NSUN2: variants seen among roughly 807,000 people sequenced by gnomAD.
NSUN2 encodes NOP2/Sun RNA methyltransferase 2.
A neutral mutation model predicts 92.7 loss-of-function variants in NSUN2; 63 were observed. The observed-to-expected ratio is 0.68, with a 90% confidence interval of 0.56 to 0.84. The LOEUF (loss-of-function observed/expected upper bound fraction) is 0.84, where lower values mean the gene tolerates loss of function less well. Among genes scored for constraint, NSUN2 ranks in the 40% least tolerant of loss-of-function variants. The pLI is 0.00. For missense variants in NSUN2, 989 were observed against 964.9 expected, an observed-to-expected ratio of 1.02 and a Z score of -0.33; for synonymous variants, 356 against 348.3, an observed-to-expected ratio of 1.02 and a Z score of -0.25.
At chr5:6,619,557 T>C (rs553467004) in intron 7 of NSUN2, among the ~76,000 whole-genome samples, 2 of 152,364 alleles carry the variant, frequency 1.3e-5, no homozygotes, top group Admixed American at 6.5e-5. Flanking sequence ...TATTATTTTA[T>C]ATCTAAACTC....
intron 12 of NSUN2, among the ~76,000 whole-genome samples, chr5:6,607,952 GT>G (rs1238595154): frequency 6.6e-6 from 1 of 152,080 alleles, no homozygotes; most frequent in Non-Finnish European, 1.5e-5. Context: ...TGAGCAAAAT[GT>G]TTTACTTAAA....
intron 11 of NSUN2, 74 bp downstream of exon 11, chr5:6,610,881 C>A: frequency 1.3e-6 from 2 of 1,565,364 alleles, no homozygotes; most frequent in Non-Finnish European, 8.7e-7. Context: ...CTCACCCCAA[C>A]AAGACTCACC....
At chr5:6,618,903 G>A (rs76507295) in intron 7 of NSUN2, among the ~76,000 whole-genome samples, 2,427 of 152,226 alleles carry the variant, frequency 0.016, 30 homozygotes, top group South Asian at 0.027. Flanking sequence ...GCGTGTACAC[G>A]AGGGACTAGG....
At chr5:6,610,882 A>G in intron 11 of NSUN2, 73 bp downstream of exon 11, 1 of 1,568,178 alleles carries the variant, frequency 6.4e-7, no homozygotes, top group South Asian at 1.2e-5. Flanking sequence ...TCACCCCAAC[A>G]AGACTCACCA....
At position 6,609,157 on chromosome 5, in the gene NSUN2, C is replaced by A. The variant is rs545150798; in HGVS notation, c.1323+669G>T. On this transcript the variant is annotated intron_variant, in intron 12 of 18. Coordinates refer to ENST00000264670, the MANE Select transcript of NSUN2 (RefSeq NM_017755.6). ...TTCAAGCATGGATCTTAAAGAAATA[C>A]AGACTTCCAGACTTTGATTCCAGGC... Among the ~76,000 whole-genome samples the A allele has an allele frequency of 6.4e-4, 97 of 152,310 alleles. 1 individual carries two copies. The South Asian group carries it at 0.02, about 32-fold the overall frequency.
At chr5:6,617,195 A>T (rs1158521660) in intron 8 of NSUN2, among the ~76,000 whole-genome samples, 1 of 152,190 alleles carries the variant, frequency 6.6e-6, no homozygotes, top group Admixed American at 6.5e-5. Context: ...TGGTTTTTCT[A>T]TGAAAAATTG....
intron 17 of NSUN2, among the ~76,000 whole-genome samples, 195 bp from the exon 18 acceptor site, chr5:6,602,695 T>C (rs917547126): frequency 1.7e-4 from 26 of 152,188 alleles, no homozygotes; most frequent in African/African-American, 6.3e-4. Context: ...AATGACGCAG[T>C]AGGGACGATC....
rs1337222695 is a variant in NSUN2 at position 6,600,138 on chromosome 5, A to G, written c.2092T>C (p.Tyr698His). 2 of 1,614,202 alleles carry G rather than the reference A, an allele frequency of 1.2e-6. No homozygotes were observed. Among genetic ancestry groups the G allele is most frequent in the East Asian group, 4.5e-5 (2 of 44,886 alleles). ...TFVPKNERLH[Y>H]LRMMGLEVLG... is the part of the protein sequence containing the mutation. ...ACCTCCAGCCCCATCATCCTGAGAT[A>G]ATGAAGCCGTTCATTCTTGGGCACA... is the stretch of plus-strand genomic sequence containing the variant. The change falls in exon 19 of 19, where the codon TAT becomes CAT. Residue 698 changes from tyrosine (Y) to histidine (H), a missense_variant. Transcript: ENST00000264670.
intron 8 of NSUN2, among the ~76,000 whole-genome samples, chr5:6,617,647 A>G (rs879394434): frequency 1.6e-4 from 24 of 152,250 alleles, no homozygotes; most frequent in Admixed American, 1.6e-3. Flanking sequence ...GAGAGAAAAG[A>G]TTAGTAATGC....
rs2126470380 is a variant in NSUN2, at chr5:6,604,218, T to C, written c.1877A>G (p.Asp626Gly). 3 of 1,608,144 alleles carry C rather than the reference T, an allele frequency of 1.9e-6. No individual in the cohort carries two copies. The East Asian group carries it at 6.7e-5, about 36-fold the overall frequency. Residue 626 changes from aspartate (D) to glycine (G), a missense_variant, in exon 17 of 19, where the codon GAT (aspartate) becomes GGT (glycine). Coordinates refer to ENST00000264670, the MANE Select transcript of NSUN2 (RefSeq NM_017755.6). The stretch of plus-strand genomic sequence containing the variant: ...TTCCTGGGTCAACAGTATCTTAACA[T>C]CTTCCATTGATACAGTAATAATTCT... ...NSRIITVSMEDVKILLTQENP... is the reference protein window; with the variant it reads ...NSRIITVSMEGVKILLTQENP...
chr5:6,624,320 T>C (rs899053085), intron 4 of NSUN2, among the ~76,000 whole-genome samples: 2 of 152,150 alleles, frequency 1.3e-5, no homozygotes, highest in African/African-American at 4.8e-5. Flanking sequence ...CCTGTGTAGA[T>C]GTTTTGTGGC....
At chr5:6,617,057 A>C (rs778686881) in intron 8 of NSUN2, among the ~76,000 whole-genome samples, 200 bp from the exon 9 acceptor site, 1 of 152,234 alleles carries the variant, frequency 6.6e-6, no homozygotes, top group Non-Finnish European at 1.5e-5. Flanking sequence ...TATTATATAA[A>C]TATTCTTACT....
chr5:6,608,185 C>A (rs1198936666), intron 12 of NSUN2, among the ~76,000 whole-genome samples: 1 of 152,330 alleles, frequency 6.6e-6, no homozygotes, highest in East Asian at 1.9e-4. Context: ...AAAGCAAAAA[C>A]CAAAACAGAT....
chr5:6,604,829 C>T (rs150078563), intron 15 of NSUN2, 144 bp from the exon 16 acceptor site: 22 of 662,794 alleles, frequency 3.3e-5, no homozygotes, highest in East Asian at 3.2e-4. Context: ...CGGTTAAGAA[C>T]GAACTGATAC....
At chr5:6,602,617 A>C in intron 17 of NSUN2, 117 bp from the exon 18 acceptor site, 2 of 961,466 alleles carry the variant, frequency 2.1e-6, no homozygotes, top group Non-Finnish European at 3.4e-6. Flanking sequence ...ACAACAAATA[A>C]TCTACATTCT....
rs781668872 is a variant in NSUN2, at chr5:6,600,041, T to C, written c.2189A>G (p.Asn730Ser). 9 of 1,614,142 alleles carry C rather than the reference T, an allele frequency of 5.6e-6. No individual in the cohort carries two copies. The Admixed American group carries it at 1.3e-4, about 24-fold the overall frequency. ...ESAASTGQPD[N>S]DVTEGQRAGE... Reference sequence around the variant, plus strand: ...TGCTCTCTGTCCCTCAGTCACGTCATTGTCTGGCTGTCCGGTGCTGGCTGC... The same window carrying C: ...TGCTCTCTGTCCCTCAGTCACGTCACTGTCTGGCTGTCCGGTGCTGGCTGC... The change falls in exon 19 of 19, where the codon AAT becomes AGT. Residue 730 changes from asparagine to serine, a missense_variant. Coordinates refer to ENST00000264670, the MANE Select transcript of NSUN2 (RefSeq NM_017755.6).
chr5:6,622,589 T>C (rs144049688), intron 5 of NSUN2, among the ~76,000 whole-genome samples: 2,739 of 152,264 alleles, frequency 0.018, 83 homozygotes, highest in African/African-American at 0.062. Flanking sequence ...GGCTCACACC[T>C]GTAATCCCAG....
At chr5:6,609,010 C>T (rs1736886318) in intron 12 of NSUN2, among the ~76,000 whole-genome samples, 1 of 152,202 alleles carries the variant, frequency 6.6e-6, no homozygotes, top group Non-Finnish European at 1.5e-5. Context: ...CCCCCTTTGC[C>T]CGTCTGAGGC....
At chr5:6,603,420 G>A (rs1010969197) in intron 17 of NSUN2, among the ~76,000 whole-genome samples, 60 of 152,318 alleles carry the variant, frequency 3.9e-4, no homozygotes, top group African/African-American at 1.3e-3. Flanking sequence ...GGCTGGGCGC[G>A]GTGGCCCACG....
Sources: gnomAD v4.1 joint callset for allele counts (sites outside exome capture counted in the v4.1 genomes callset) on GRCh38, gnomAD v4.1.1 for gene constraint, MANE v1.5 for transcripts, NCBI Gene and HGNC (gene_info 2026-07-23, HGNC 2026-07-21) for gene names.